Variants in EPHB2 observed in about 807,000 individuals in gnomAD.
EPHB2 encodes EPH receptor B2, also known as ephrin type-B receptor 2.
A neutral mutation model predicts 96.4 loss-of-function variants in EPHB2; 18 were observed. The ratio of observed to expected loss-of-function variants is 0.19; its 90% CI spans 0.13 to 0.28. The LOEUF is 0.28. EPHB2 is among the 10% of genes least tolerant of loss of function. The pLI, the probability that EPHB2 is intolerant of heterozygous loss-of-function variation, is 1.00. For missense variants in EPHB2, 989 were observed against 1,355.4 expected, an observed-to-expected ratio of 0.73 and a Z score of 4.25; for synonymous variants, 506 against 534.1, an observed-to-expected ratio of 0.95 and a Z score of 0.72.
At position 22,919,560 on chromosome 1, in the gene EPHB2, C is replaced by G. The variant is rs1379310241; in HGVS notation, c.*5990C>G. 1 of 152,654 alleles carries G rather than the reference C, an allele frequency of 6.6e-6. No homozygotes were observed. Among genetic ancestry groups the G allele is most frequent in the African/African-American group, 2.4e-5 (1 of 41,456 alleles). 9.5% of individuals were successfully genotyped at this position (152,654 alleles called of 1,614,324 possible). On this transcript the variant is annotated 3_prime_UTR_variant, in exon 16 of 16. Transcript: ENST00000374630. ...ACACCTGGCCAGGCGGGGCCTCCAG[C>G]TGGACCTAGAGCTACAGATGCCCCA...
chr1:22,808,113 G>A (rs565540327), intron 3 of EPHB2, among the ~76,000 whole-genome samples: 16 of 151,806 alleles, frequency 1.1e-4, no homozygotes, highest in East Asian at 3.9e-4. Flanking sequence ...CAGCCTGGCC[G>A]GCAGAGCAAG....
intron 12 of EPHB2, among the ~76,000 whole-genome samples, chr1:22,908,788 A>G (rs1570468973): frequency 6.6e-6 from 1 of 152,172 alleles, no homozygotes; most frequent in South Asian, 2.1e-4. Context: ...GAGCTCAGAA[A>G]GGCTTTTGGA....
chr1:22,786,099 T>C (rs1160843000), intron 3 of EPHB2, among the ~76,000 whole-genome samples: 1 of 152,240 alleles, frequency 6.6e-6, no homozygotes, highest in African/African-American at 2.4e-5. Context: ...AGGTACACCC[T>C]GGTGCTAAGA....
At chr1:22,756,836 G>A (rs1191505393) in intron 1 of EPHB2, among the ~76,000 whole-genome samples, 3 of 152,184 alleles carry the variant, frequency 2.0e-5, no homozygotes, top group African/African-American at 7.2e-5. Context: ...CATGCTAGAA[G>A]CTTCTGTACC....
intron 3 of EPHB2, among the ~76,000 whole-genome samples, chr1:22,798,074 G>A (rs562731875): frequency 6.6e-6 from 1 of 152,332 alleles, no homozygotes; most frequent in East Asian, 1.9e-4. Flanking sequence ...CAGGTGGAGT[G>A]TGGACTCCAC....
In EPHB2 at chr1:22,820,124, G is replaced by A. The variant is rs116329234; in HGVS notation, c.811+35048G>A. 6.0e-3 allele frequency among the ~76,000 whole-genome samples: 907 copies of A among 152,280 alleles called. 7 individuals carry two copies. Among genetic ancestry groups the A allele is most frequent in the African/African-American group, 0.019 (804 of 41,550 alleles). ...CCATCCCCAGGAAAAGGGGAGGCAG[G>A]CTCAGAAAGGTGGTGAGACCTAGCT... On this transcript the variant is annotated intron_variant, in intron 3 of 15. Transcript: ENST00000374630.
At chr1:22,910,859 C>T (rs544493624) in intron 14 of EPHB2, among the ~76,000 whole-genome samples, 3 of 152,138 alleles carry the variant, frequency 2.0e-5, no homozygotes, top group African/African-American at 4.8e-5. Context: ...AAAGGAAGGC[C>T]GGGAGAGATG....
At chr1:22,768,958 G>C (rs1644342878) in intron 1 of EPHB2, among the ~76,000 whole-genome samples, 2 of 152,158 alleles carry the variant, frequency 1.3e-5, no homozygotes, top group South Asian at 2.1e-4. Context: ...CCTCCAGGCA[G>C]GGTTAGGATT....
rs576983352 is a variant in EPHB2 at position 22,858,627 on chromosome 1, A to G, written c.812-4410A>G. Reference sequence around the variant, plus strand: ...CACGTGACATGCAGGTGCCAGCAGGACAGGTTCCCTTCCCACCCAGAAGTT... The same window carrying G: ...CACGTGACATGCAGGTGCCAGCAGGGCAGGTTCCCTTCCCACCCAGAAGTT... On this transcript the variant is annotated intron_variant, in intron 3 of 15. Transcript: ENST00000374630. This position sits in a 1 kb window ranked among gnomAD's most constrained non-coding sequence, Gnocchi z 7.7. 1.5e-3 allele frequency among the ~76,000 whole-genome samples: 229 copies of G among 152,302 alleles called. No homozygotes were observed. The highest frequency in any genetic ancestry group is 6.8e-3 in the Middle Eastern group (2 of 294).
Position 22,858,143 on chromosome 1 carries a change from C to T in EPHB2, c.812-4894C>T, listed in dbSNP as rs10732280. Among the ~76,000 whole-genome samples the T allele has an allele frequency of 1.1e-4, 16 of 152,152 alleles. No individual in the cohort carries two copies. Among genetic ancestry groups the T allele is most frequent in the African/African-American group, 3.9e-4 (16 of 41,476 alleles). ...CAGCGACGGGAAGAGCAGGGAAAGC[C>T]TTCCGGGCAGAGGGAACAGCTTGGC... is the stretch of plus-strand genomic sequence containing the variant. On this transcript the variant is annotated intron_variant, in intron 3 of 15. Transcript: ENST00000374630. The surrounding 1 kb of genome is among the most constrained non-coding windows in gnomAD (Gnocchi z 7.7).
Position 22,921,259 on chromosome 1 carries a change from C to G in EPHB2, c.*7689C>G, listed in dbSNP as rs890801492. ...GCTGTCTGGCAGGGTTTCCCAGAACCCTGTTTCCTGTGGTCATAAATATGG... is the reference window on the plus strand; with the variant it reads ...GCTGTCTGGCAGGGTTTCCCAGAACGCTGTTTCCTGTGGTCATAAATATGG... On this transcript the variant is annotated 3_prime_UTR_variant, in exon 16 of 16. Transcript: ENST00000374630. 10 of 152,166 alleles carry G rather than the reference C, an allele frequency of 6.6e-5. No individual in the cohort carries two copies. Among genetic ancestry groups the G allele is most frequent in the African/African-American group, 2.4e-4 (10 of 41,420 alleles). The allele number at this position is 152,166 out of a possible 1,614,324, so 9.4% of individuals were successfully genotyped here. A position where few individuals can be genotyped will look rare whatever the true frequency, so the allele number is the denominator to read the frequency against.
At chr1:22,719,875 A>G (rs889255253) in intron 1 of EPHB2, among the ~76,000 whole-genome samples, 1 of 152,150 alleles carries the variant, frequency 6.6e-6, no homozygotes, top group African/African-American at 2.4e-5. Context: ...CACAAAACCT[A>G]CTGGCTTAAA....
intron 3 of EPHB2, among the ~76,000 whole-genome samples, chr1:22,841,136 T>A (rs1413331553): frequency 2.0e-5 from 3 of 152,108 alleles, no homozygotes; most frequent in Non-Finnish European, 4.4e-5. Context: ...AATGAATGAA[T>A]CTGCATACCA....
rs77945994 is a variant in EPHB2 at position 22,713,000 on chromosome 1, G to A, written c.61+1957G>A. ...GAAGGGCCACATCTGTCCAGCCATC[G>A]CCCTGGCAGAGGCTGGTTGGAATCT... is the stretch of plus-strand genomic sequence containing the variant. On this transcript the variant is annotated intron_variant, in intron 1 of 15. Coordinates refer to ENST00000374630, the MANE Select transcript of EPHB2 (RefSeq NM_017449.5). 3.8e-3 allele frequency among the ~76,000 whole-genome samples: 582 copies of A among 152,290 alleles called. 15 individuals are homozygous for A. The East Asian group carries it at 0.065, about 17-fold the overall frequency.
chr1:22,786,571 C>T (rs1434521382), intron 3 of EPHB2, among the ~76,000 whole-genome samples: 1 of 152,142 alleles, frequency 6.6e-6, no homozygotes, highest in East Asian at 1.9e-4. Context: ...CTTCCTCCCT[C>T]GGAGACAAGC....
rs1003249349 is a variant in EPHB2, at chr1:22,910,582, C to G, written c.2696+7C>G. 14 of 1,613,952 alleles carry G rather than the reference C, an allele frequency of 8.7e-6. No homozygotes were observed. Among genetic ancestry groups the G allele is most frequent in the Non-Finnish European group, 1.2e-5 (14 of 1,179,932 alleles). The stretch of plus-strand genomic sequence containing the variant: ...TGGCGCCCCTCTCCTCTGGGTAAGG[C>G]CCCACCCTGGCCCTGCCCCAGCCAG... On this transcript the variant is annotated splice_region_variant and intron_variant, in intron 14 of 15. Coordinates refer to ENST00000374630, the MANE Select transcript of EPHB2 (RefSeq NM_017449.5).
At chr1:22,809,781 A>G (rs1017781058) in intron 3 of EPHB2, among the ~76,000 whole-genome samples, 8 of 152,208 alleles carry the variant, frequency 5.3e-5, no homozygotes, top group Admixed American at 5.2e-4. Flanking sequence ...CGCGAGGAGC[A>G]AGAGAAAACC....
chr1:22,825,956 G>A (rs547758688), intron 3 of EPHB2, among the ~76,000 whole-genome samples: 1 of 152,342 alleles, frequency 6.6e-6, no homozygotes, highest in Admixed American at 6.5e-5. Flanking sequence ...TCCCAGAGTG[G>A]CTGGGAGCTA....
At chr1:22,818,422 T>TC (rs1645104345) in intron 3 of EPHB2, among the ~76,000 whole-genome samples, 1 of 152,094 alleles carries the variant, frequency 6.6e-6, no homozygotes, top group African/African-American at 2.4e-5. Flanking sequence ...GGCAGTGGTC[T>TC]CCCTGCGCCC....
Sources: gnomAD v4.1 joint callset for allele counts (sites outside exome capture counted in the v4.1 genomes callset) on GRCh38, gnomAD v4.1.1 for gene constraint, Gnocchi (gnomAD v3.1) non-coding constraint, MANE v1.5 for transcripts, NCBI Gene and HGNC (gene_info 2026-07-23, HGNC 2026-07-21) for gene names.